Variants in ACSL6 observed in about 807,000 individuals in gnomAD.
ACSL6 encodes the protein acyl-CoA synthetase long chain family member 6.
Under a neutral mutation model 98.2 loss-of-function variants are expected in ACSL6, and 47 were observed. The observed-to-expected ratio is 0.48, with a 90% CI of 0.38 to 0.61. The LOEUF is 0.61. ACSL6 is among the 20% of genes least tolerant of loss of function. The pLI, the probability that ACSL6 is intolerant of heterozygous loss-of-function variation, is 0.00. For missense variants in ACSL6, 761 were observed against 913.4 expected, an observed-to-expected ratio of 0.83 and a Z score of 2.15; for synonymous variants, 362 against 336.9, an observed-to-expected ratio of 1.07 and a Z score of -0.82.
At chr5:132,002,141 C>T (rs1474152304) in intron 1 of ACSL6, among the ~76,000 whole-genome samples, 1 of 152,140 alleles carries the variant, frequency 6.6e-6, no homozygotes, top group Non-Finnish European at 1.5e-5. Context: ...GCAGGCAGGA[C>T]CCTAGGAATA....
chr5:131,988,484 C>T, intron 6 of ACSL6: 1 of 1,572,518 alleles, frequency 6.4e-7, no homozygotes, highest in African/African-American at 1.3e-5. Flanking sequence ...CCCCCATCAT[C>T]CCAGGTCTGT....
chr5:132,012,120 G>C, upstream of ACSL6: 1 of 618,556 alleles, frequency 1.6e-6, no homozygotes, highest in Non-Finnish European at 2.5e-6. Flanking sequence ...CCTGTGGGCT[G>C]TTGCCCGCTG....
At chr5:131,975,394 G>T in intron 10 of ACSL6, 1 of 985,378 alleles carries the variant, frequency 1.0e-6, no homozygotes, top group Non-Finnish European at 1.2e-6. Context: ...ACACCTGCAG[G>T]ACCTGCCCCA....
intron 17 of ACSL6, among the ~76,000 whole-genome samples, chr5:131,963,834 C>T (rs185336782): frequency 6.6e-6 from 1 of 152,286 alleles, no homozygotes; most frequent in East Asian, 1.9e-4. Flanking sequence ...AGACATCAGG[C>T]ACTTTCCCTA....
upstream of ACSL6, chr5:132,012,005 T>C: frequency 7.0e-7 from 1 of 1,438,356 alleles, no homozygotes; most frequent in Non-Finnish European, 9.3e-7. Context: ...ACCCACCCCA[T>C]CAACACGCGA....
chr5:132,011,325 A>C lies in ACSL6; in HGVS notation c.49+180T>G. Reference sequence around the variant, plus strand: ...CAGGTGCTCCCCAAACCCGGCCCGGAGCCCGCGAGAACTGGGGGCGGAGGG... The same window carrying C: ...CAGGTGCTCCCCAAACCCGGCCCGGCGCCCGCGAGAACTGGGGGCGGAGGG... On this transcript the variant is annotated intron_variant, in intron 1 of 20. Coordinates refer to ENST00000651883, the MANE Select transcript of ACSL6 (RefSeq NM_001009185.3). The surrounding 1 kb of genome is among the most constrained non-coding windows in gnomAD (Gnocchi z 5.4). 1 of 643,768 alleles carries C rather than the reference A, an allele frequency of 1.6e-6. No individual in the cohort carries two copies. The highest frequency in any genetic ancestry group is 2.7e-6 in the Non-Finnish European group (1 of 368,810). The allele number at this position is 643,768 out of a possible 1,614,324, so 39.9% of individuals were successfully genotyped here.
At chr5:131,963,460 A>T (rs999933480) in intron 17 of ACSL6, among the ~76,000 whole-genome samples, 6 of 152,132 alleles carry the variant, frequency 3.9e-5, no homozygotes, top group African/African-American at 1.4e-4. Flanking sequence ...CTCTTCACTG[A>T]GCTCCAGATC....
At chr5:131,974,806 C>T (rs559766053) in intron 11 of ACSL6, 87 bp downstream of exon 11, 2 of 1,612,940 alleles carry the variant, frequency 1.2e-6, no homozygotes, top group East Asian at 4.5e-5. Flanking sequence ...AGGAAATGTG[C>T]ACATCCGCAC....
chr5:131,997,575 G>C (rs1754857402), intron 1 of ACSL6, among the ~76,000 whole-genome samples: 1 of 152,224 alleles, frequency 6.6e-6, no homozygotes, highest in South Asian at 2.1e-4. Flanking sequence ...AGTTGGGCCA[G>C]TCATTTGCTA....
At position 131,994,074 on chromosome 5, in the gene ACSL6, A is replaced by G; in HGVS notation, c.227T>C (p.Leu76Ser). The G allele has an allele frequency of 6.2e-7, 1 of 1,614,132 alleles. No homozygotes were observed. The highest frequency in any genetic ancestry group is 8.5e-7 in the Non-Finnish European group (1 of 1,180,034). The change falls in exon 2 of 21, where the codon TTG becomes TCG. Residue 76 changes from leucine (L) to serine (S), a missense_variant. Coordinates refer to ENST00000651883, the MANE Select transcript of ACSL6 (RefSeq NM_001009185.3). The stretch of plus-strand genomic sequence containing the variant: ...CATCAGGAGGTTGCATGGCGGCTGC[A>G]AGGCCTTTGGCCGGTGAGTGAACCA... ...AYWFTHRPKA[L>S]QPPCNLLMQS...
rs754337594 is a variant in ACSL6 at position 131,990,894 on chromosome 5, C to T, written c.344G>A (p.Arg115Gln). Residue 115 changes from arginine to glutamine, a missense_variant, in exon 3 of 21, where the codon CGG becomes CAG. Transcript: ENST00000651883. Reference protein sequence around the residue: ...QLLTHYYDDARTMYQVFRRGL... With the variant: ...QLLTHYYDDAQTMYQVFRRGL... Reference sequence around the variant, plus strand: ...ACGGCGGAACACCTGGTACATGGTCCGGGCATCATCATAGTAGTGGGTAAG... The same window carrying T: ...ACGGCGGAACACCTGGTACATGGTCTGGGCATCATCATAGTAGTGGGTAAG... The T allele has an allele frequency of 1.1e-5, 18 of 1,613,890 alleles. No homozygotes were observed. The South Asian group carries it at 1.3e-4, about 12-fold the overall frequency.
chr5:131,976,322 C>G, intron 10 of ACSL6: 1 of 724,610 alleles, frequency 1.4e-6, no homozygotes, highest in Non-Finnish European at 1.7e-6. Context: ...AAGGTACACA[C>G]AAAACCATGG....
At chr5:132,011,665 T>A (rs1755742453), upstream of ACSL6, 2 of 1,261,108 alleles carry the variant, frequency 1.6e-6, no homozygotes, top group Non-Finnish European at 2.0e-6. The surrounding 1 kb of genome is among the most constrained non-coding windows in gnomAD (Gnocchi z 5.4). Context: ...CGCTGCCGGG[T>A]ATTTTTAGCC....
chr5:132,003,387 G>A (rs1755198682), intron 1 of ACSL6, among the ~76,000 whole-genome samples: 1 of 152,212 alleles, frequency 6.6e-6, no homozygotes, highest in African/African-American at 2.4e-5. Context: ...AGTGTCCACA[G>A]AGTTAACATT....
chr5:131,967,446 G>A (rs935759504), intron 16 of ACSL6, among the ~76,000 whole-genome samples: 1 of 151,910 alleles, frequency 6.6e-6, no homozygotes, highest in East Asian at 1.9e-4. Context: ...GGCGGATCAC[G>A]AAGTCAGGAG....
At chr5:131,991,967 C>T (rs1754547431) in intron 2 of ACSL6, among the ~76,000 whole-genome samples, 2 of 152,180 alleles carry the variant, frequency 1.3e-5, no homozygotes, top group African/African-American at 4.8e-5. Flanking sequence ...TGGGACACAT[C>T]CAATCAGACC....
chr5:131,982,468 G>A (rs1264511824), intron 9 of ACSL6: 1 of 152,320 alleles, frequency 6.6e-6, no homozygotes, highest in African/African-American at 2.4e-5. Context: ...AGCACCAGCA[G>A]GTCATTTCAT....
chr5:132,008,625 G>C (rs1457416578), intron 1 of ACSL6, among the ~76,000 whole-genome samples: 1 of 152,198 alleles, frequency 6.6e-6, no homozygotes, highest in African/African-American at 2.4e-5. Context: ...ACCTTCTCCA[G>C]AATCCTCTCC....
intron 19 of ACSL6, 121 bp from the exon 20 acceptor site, chr5:131,959,728 G>T: frequency 2.3e-6 from 2 of 869,266 alleles, no homozygotes; most frequent in Non-Finnish European, 3.7e-6. Context: ...CTAACCCACA[G>T]CCCGCAACTG....
Sources: gnomAD v4.1 joint callset for allele counts (sites outside exome capture counted in the v4.1 genomes callset) on GRCh38, gnomAD v4.1.1 for gene constraint, Gnocchi (gnomAD v3.1) non-coding constraint, MANE v1.5 for transcripts, NCBI Gene and HGNC (gene_info 2026-07-23, HGNC 2026-07-21) for gene names.